Variants in MGAT4C observed in about 807,000 individuals in gnomAD.
MGAT4C encodes alpha-1,3-mannosyl-glycoprotein 4-beta-N-acetylglucosaminyltransferase C.
MGAT4C carries 19 observed loss-of-function variants against 40.1 expected under a neutral mutation model. The observed-to-expected ratio is 0.47, with a 90% CI of 0.33 to 0.70. MGAT4C has a LOEUF of 0.70. Ranked by LOEUF, MGAT4C falls within the 30% of genes least tolerant of loss-of-function variation. MGAT4C has a pLI of 0.02. For synonymous variants in MGAT4C, 181 were observed against 187.1 expected (o/e 0.97, Z 0.27); for missense variants, 491 against 563.2 (o/e 0.87, Z 1.30).
intron 2 of MGAT4C, among the ~76,000 whole-genome samples, chr12:86,559,326 A>T (rs184637270): frequency 1.1e-3 from 168 of 152,078 alleles, no homozygotes; most frequent in South Asian, 2.9e-3. Flanking sequence ...GATCTAACAG[A>T]CATTTAGAGA....
intron 4 of MGAT4C, among the ~76,000 whole-genome samples, chr12:85,982,172 T>TTTTTTG (rs1382064711): frequency 3.3e-5 from 5 of 152,104 alleles, no homozygotes; most frequent in East Asian, 1.9e-4. Context: ...GATTCATGGT[T>TTTTTTG]TTTTTGTTTT....
intron 3 of MGAT4C, among the ~76,000 whole-genome samples, chr12:86,385,087 C>A (rs1956026021): frequency 6.6e-6 from 1 of 152,158 alleles, no homozygotes; most frequent in Non-Finnish European, 1.5e-5. Flanking sequence ...TGATTGAACT[C>A]AGTGTAGTTT....
intron 2 of MGAT4C, among the ~76,000 whole-genome samples, chr12:86,726,793 C>T (rs1178177974): frequency 6.6e-6 from 1 of 152,008 alleles, no homozygotes. Context: ...TAATTATTGA[C>T]AATCTAAAAT....
At position 85,978,130 on chromosome 12, in the gene MGAT4C, T is replaced by C. The variant is rs759842333; in HGVS notation, c.*1159A>G. The C allele has an allele frequency of 7.9e-5, 12 of 151,558 alleles. No individual in the cohort carries two copies. The highest frequency in any genetic ancestry group is 1.8e-4 in the Non-Finnish European group (12 of 67,648). The allele number at this position is 151,558 out of a possible 1,614,324, so 9.4% of individuals were successfully genotyped here. A position where few individuals can be genotyped will look rare whatever the true frequency, so the allele number is the denominator to read the frequency against. On this transcript the variant is annotated 3_prime_UTR_variant, in exon 5 of 5. Coordinates refer to ENST00000611864, the MANE Select transcript of MGAT4C (RefSeq NM_001351288.2). ...GCATCATTTAGGACATTATTTAGGATAATATTATTTATGCAGGAATTGTAC... is the reference window on the plus strand; with the variant it reads ...GCATCATTTAGGACATTATTTAGGACAATATTATTTATGCAGGAATTGTAC...
At chr12:86,690,110 A>T (rs1950148815) in intron 2 of MGAT4C, among the ~76,000 whole-genome samples, 1 of 152,072 alleles carries the variant, frequency 6.6e-6, no homozygotes, top group South Asian at 2.1e-4. Context: ...CTTTGTTTAC[A>T]CTATTAGGGG....
chr12:86,750,982 G>A (rs527952017), intron 1 of MGAT4C, among the ~76,000 whole-genome samples: 98 of 151,948 alleles, frequency 6.4e-4, no homozygotes, highest in African/African-American at 2.2e-3. Flanking sequence ...GCTGTGAGAG[G>A]GTTGTAAGTT....
At chr12:86,416,372 G>T (rs568876358) in intron 3 of MGAT4C, among the ~76,000 whole-genome samples, 2 of 151,928 alleles carry the variant, frequency 1.3e-5, no homozygotes, top group East Asian at 3.9e-4. Context: ...TATTAAATTG[G>T]TAAAGGACTT....
intron 1 of MGAT4C, among the ~76,000 whole-genome samples, chr12:86,239,964 C>T (rs994964916): frequency 6.7e-6 from 1 of 149,044 alleles, no homozygotes; most frequent in African/African-American, 2.5e-5. Flanking sequence ...CAGCATGGCA[C>T]ATGTATACAT....
chr12:85,987,547 A>G (rs1219166846), intron 3 of MGAT4C, among the ~76,000 whole-genome samples: 1 of 152,226 alleles, frequency 6.6e-6, no homozygotes, highest in African/African-American at 2.4e-5. Flanking sequence ...TTGAGAAAGT[A>G]GCTTTAGTAG....
chr12:86,581,567 G>A (rs1440941842), intron 2 of MGAT4C, among the ~76,000 whole-genome samples: 1 of 151,454 alleles, frequency 6.6e-6, no homozygotes, highest in African/African-American at 2.4e-5. Context: ...TCATAAGTGA[G>A]TGAGTAGTCT....
intron 2 of MGAT4C, among the ~76,000 whole-genome samples, chr12:86,468,531 T>C (rs1957714427): frequency 6.6e-6 from 1 of 152,070 alleles, no homozygotes; most frequent in Admixed American, 6.6e-5. Context: ...TTTTCTTAAA[T>C]ATAAGTTGGA....
chr12:86,560,524 C>A (rs959324979), intron 2 of MGAT4C, among the ~76,000 whole-genome samples: 6 of 151,990 alleles, frequency 3.9e-5, no homozygotes, highest in Non-Finnish European at 8.8e-5. Flanking sequence ...TAATAAAGGA[C>A]AAAACCACAA....
At chr12:86,311,448 G>A (rs1364571690) in intron 4 of MGAT4C, among the ~76,000 whole-genome samples, 1 of 144,644 alleles carries the variant, frequency 6.9e-6, no homozygotes, top group Admixed American at 7.1e-5. Context: ...ATTTTTAAAA[G>A]GGTTTTAGGA....
chr12:86,186,388 T>C (rs1393308947), intron 1 of MGAT4C, among the ~76,000 whole-genome samples: 2 of 152,160 alleles, frequency 1.3e-5, no homozygotes, highest in African/African-American at 2.4e-5. Context: ...ATCATTCACA[T>C]GGTGTCCGTG....
chr12:86,142,719 T>G (rs1025755947), intron 1 of MGAT4C, among the ~76,000 whole-genome samples: 9 of 151,924 alleles, frequency 5.9e-5, no homozygotes, highest in East Asian at 5.8e-4. Context: ...CTTTTTTTTT[T>G]TTGTTTTTTT....
chr12:86,814,443 CAAAT>C (rs1280774754), intron 1 of MGAT4C, among the ~76,000 whole-genome samples: 3 of 148,430 alleles, frequency 2.0e-5, no homozygotes, highest in Non-Finnish European at 3.0e-5. Context: ...GTTCTTTCAG[CAAAT>C]AAAGTTACTG....
At chr12:86,351,686 T>C (rs1383992345) in intron 3 of MGAT4C, among the ~76,000 whole-genome samples, 3 of 152,052 alleles carry the variant, frequency 2.0e-5, no homozygotes, top group Non-Finnish European at 2.9e-5. Flanking sequence ...CAGTTTAACC[T>C]TAATTTTAAT....
intron 2 of MGAT4C, among the ~76,000 whole-genome samples, chr12:86,011,236 G>A (rs942052835): frequency 1.3e-5 from 2 of 152,070 alleles, no homozygotes; most frequent in Non-Finnish European, 2.9e-5. Context: ...GCCAAAAATT[G>A]CCAAATATCA....
At chr12:86,345,767 C>T (rs1450223049) in intron 3 of MGAT4C, among the ~76,000 whole-genome samples, 2 of 152,054 alleles carry the variant, frequency 1.3e-5, no homozygotes, top group Non-Finnish European at 2.9e-5. Flanking sequence ...GGGTATATAC[C>T]CAGTAATGGG....
Sources: gnomAD v4.1 joint callset for allele counts (sites outside exome capture counted in the v4.1 genomes callset) on GRCh38, gnomAD v4.1.1 for gene constraint, MANE v1.5 for transcripts, NCBI Gene and HGNC (gene_info 2026-07-23, HGNC 2026-07-21) for gene names.